RNASEH2B: variants seen among roughly 807,000 people sequenced by gnomAD.
RNASEH2B encodes the protein ribonuclease H2 subunit B, also known as Aicardi-Goutieres syndrome 2 protein.
Under a neutral mutation model 45.0 loss-of-function variants are expected in RNASEH2B, and 36 were observed. That is an observed-to-expected ratio of 0.80 (90% CI 0.61 to 1.06). RNASEH2B has a LOEUF of 1.06. Among genes scored for constraint, RNASEH2B ranks in the 50% least tolerant of loss-of-function variants. RNASEH2B has a pLI of 0.00. For synonymous variants in RNASEH2B, 119 were observed against 125.7 expected (o/e 0.95, Z 0.35); for missense variants, 361 against 360.3 (o/e 1.00, Z -0.02).
chr13:50,933,475 A>G (rs1951707904), intron 4 of RNASEH2B, among the ~76,000 whole-genome samples: 2 of 152,174 alleles, frequency 1.3e-5, no homozygotes, highest in African/African-American at 4.8e-5. Context: ...ATGTTTAGGT[A>G]TTTCCTTCTC....
At position 50,953,905 on chromosome 13, in the gene RNASEH2B, A is replaced by T; in HGVS notation, c.742A>T (p.Lys248Ter). 1 of 1,592,668 alleles carries T rather than the reference A, an allele frequency of 6.3e-7. No individual in the cohort carries two copies. Among genetic ancestry groups the T allele is most frequent in the Non-Finnish European group, 8.6e-7 (1 of 1,160,588 alleles). The change falls in exon 10 of 11, where the codon AAA becomes TAA. Residue 248 changes from lysine (K) to a stop codon, truncating the protein, a stop_gained and splice_region_variant. Transcript: ENST00000336617. LOFTEE classifies it high-confidence loss of function. ...SASLPNPPSKKIKLSDEPVEA... is the reference protein window; with the variant it reads ...SASLPNPPSK ...CCACTTCACTGCTCTAATGTTGCAG[A>T]AAATAAAGTTATCAGATGAGCCTGT...
intron 5 of RNASEH2B, chr13:50,935,209 A>G (rs777447692): frequency 7.0e-6 from 4 of 567,526 alleles, no homozygotes; most frequent in Non-Finnish European, 1.3e-5. Flanking sequence ...TCTAGGGCCT[A>G]CGTCCACAGG....
At chr13:50,933,875 AG>A (rs964659130) in intron 4 of RNASEH2B, 1 of 152,224 alleles carries the variant, frequency 6.6e-6, no homozygotes, top group Non-Finnish European at 1.5e-5. Flanking sequence ...TACTATTTGA[AG>A]GAAAAAGAAC....
At chr13:50,921,000 C>T (rs900173761) in intron 1 of RNASEH2B, among the ~76,000 whole-genome samples, 8 of 152,106 alleles carry the variant, frequency 5.3e-5, no homozygotes, top group African/African-American at 1.7e-4. Context: ...GCTTAGATTT[C>T]GTGACTTTCA....
At chr13:50,932,830 G>A (rs576592779) in intron 4 of RNASEH2B, among the ~76,000 whole-genome samples, 2 of 152,274 alleles carry the variant, frequency 1.3e-5, no homozygotes, top group East Asian at 1.9e-4. Context: ...CATTTGGTAG[G>A]TAAATTAATT....
At chr13:50,921,455 A>G (rs1400237411) in intron 1 of RNASEH2B, 1 of 152,230 alleles carries the variant, frequency 6.6e-6, no homozygotes, top group Non-Finnish European at 1.5e-5. Flanking sequence ...TGCTAGATGC[A>G]AGTAAAAGAC....
At chr13:50,933,975 A>G (rs1951714031) in intron 4 of RNASEH2B, 1 of 152,210 alleles carries the variant, frequency 6.6e-6, no homozygotes, top group East Asian at 1.9e-4. Context: ...AGAAGATTTT[A>G]CCCTTAAAAC....
At position 50,968,705 on chromosome 13, in the gene RNASEH2B, T is replaced by C. The variant is rs563487818; in HGVS notation, c.742-1227T>C. The stretch of plus-strand genomic sequence containing the variant: ...TTCATAATGAATTCTGCAGGTCAAT[T>C]TATCCTCAACGATGGCAAGCCAGAA... On this transcript the variant is annotated intron_variant, in intron 9 of 9. Transcript: ENST00000422660. Among the ~76,000 whole-genome samples, 16 of 152,332 alleles carry C rather than the reference T, an allele frequency of 1.1e-4. 1 individual carries two copies. The East Asian group carries it at 3.1e-3, about 29-fold the overall frequency.
intron 5 of RNASEH2B, among the ~76,000 whole-genome samples, chr13:50,940,261 G>A (rs1052477961): frequency 1.6e-4 from 24 of 152,164 alleles, no homozygotes; most frequent in Admixed American, 1.4e-3. Flanking sequence ...GGTAGCCATG[G>A]GAGAATTGAC....
chr13:50,930,247 T>C (rs755556642), intron 3 of RNASEH2B: 4 of 296,670 alleles, frequency 1.3e-5, no homozygotes, highest in Non-Finnish European at 2.6e-5. Flanking sequence ...GGCACTGCTT[T>C]CCCATGGCTT....
rs1458234584 is a variant in RNASEH2B at position 50,927,453 on chromosome 13, T to G, written c.111T>G (p.Phe37Leu). 17 of 1,603,460 alleles carry G rather than the reference T, an allele frequency of 1.1e-5. 1 individual carries two copies. In the South Asian group the frequency reaches 1.8e-4, roughly 17 times the overall value. Residue 37 changes from phenylalanine (F) to leucine (L), a missense_variant, in exon 2 of 11, where the codon TTT (phenylalanine) becomes TTG (leucine). Transcript: ENST00000336617. Reference protein sequence around the residue: ...ASKKMKNGLMFVKLVNPCSGE... With the variant: ...ASKKMKNGLMLVKLVNPCSGE... ...AGAAGATGAAAAATGGGCTAATGTTTGTAAAACTGGTTAACCCCTGTTCAG... is the reference window on the plus strand; with the variant it reads ...AGAAGATGAAAAATGGGCTAATGTTGGTAAAACTGGTTAACCCCTGTTCAG...
chr13:50,911,777 C>T (rs1424295177), intron 1 of RNASEH2B: 1 of 152,188 alleles, frequency 6.6e-6, no homozygotes, highest in East Asian at 1.9e-4. Flanking sequence ...CACATCAAGA[C>T]AATTAGATTT....
At position 50,951,912 on chromosome 13, in the gene RNASEH2B, C is replaced by A. The variant is rs554989175; in HGVS notation, c.742-1993C>A. The A allele has an allele frequency of 2.0e-5, 3 of 152,242 alleles. No individual in the cohort carries two copies. The South Asian group carries it at 6.2e-4, about 32-fold the overall frequency. The allele number at this position is 152,242 out of a possible 1,614,324, so 9.4% of individuals were successfully genotyped here. On this transcript the variant is annotated intron_variant, in intron 9 of 10. Transcript: ENST00000336617. Reference sequence around the variant, plus strand: ...GAGCTATTAAAACACCTGAACAAGTCATTTCTCCAATTAAACATTTTATGT... The same window carrying A: ...GAGCTATTAAAACACCTGAACAAGTAATTTCTCCAATTAAACATTTTATGT...
At chr13:50,946,719 G>A (rs1188360497) in intron 7 of RNASEH2B, among the ~76,000 whole-genome samples, 1 of 152,100 alleles carries the variant, frequency 6.6e-6, no homozygotes, top group African/African-American at 2.4e-5. Context: ...GCTTTTACCA[G>A]TACTCTACAT....
chr13:50,963,403 A>G (rs1952131594), intron 9 of RNASEH2B, among the ~76,000 whole-genome samples: 1 of 152,108 alleles, frequency 6.6e-6, no homozygotes. Flanking sequence ...ACCTCAGGTG[A>G]TCCGCCCACC....
intron 1 of RNASEH2B, among the ~76,000 whole-genome samples, chr13:50,918,877 A>G (rs1278003346): frequency 2.0e-5 from 3 of 152,204 alleles, no homozygotes; most frequent in Non-Finnish European, 2.9e-5. Context: ...CGTATTGCAT[A>G]AGCATGAGAG....
intron 10 of RNASEH2B, chr13:50,955,360 C>G (rs1952031671): frequency 6.6e-6 from 1 of 152,164 alleles, no homozygotes; most frequent in Non-Finnish European, 1.5e-5. Context: ...TATCTCGATG[C>G]TGTGTCAACA....
In RNASEH2B at chr13:50,956,505, T is replaced by C; in HGVS notation, c.*31T>C. 6.3e-7 allele frequency: 1 copy of C among 1,579,970 alleles called. No homozygotes were observed. Among genetic ancestry groups the C allele is most frequent in the Non-Finnish European group, 8.6e-7 (1 of 1,159,358 alleles). Reference sequence around the variant, plus strand: ...TGAAAATAAAATCTAGCAAAAATATTTGCTTTTTACATGTTTCAGTTTGTC... The same window carrying C: ...TGAAAATAAAATCTAGCAAAAATATCTGCTTTTTACATGTTTCAGTTTGTC... On this transcript the variant is annotated 3_prime_UTR_variant, in exon 11 of 11. Coordinates refer to ENST00000336617, the MANE Select transcript of RNASEH2B (RefSeq NM_024570.4).
At chr13:50,962,436 A>G (rs1952120763) in intron 9 of RNASEH2B, among the ~76,000 whole-genome samples, 1 of 152,068 alleles carries the variant, frequency 6.6e-6, no homozygotes, top group Non-Finnish European at 1.5e-5. Flanking sequence ...AGTTTTGGTA[A>G]TTTATGTCTT....
Sources: gnomAD v4.1 joint callset for allele counts (sites outside exome capture counted in the v4.1 genomes callset) on GRCh38, gnomAD v4.1.1 for gene constraint, MANE v1.5 for transcripts, NCBI Gene and HGNC (gene_info 2026-07-23, HGNC 2026-07-21) for gene names.